DHRS12: variants seen among roughly 807,000 people sequenced by gnomAD.
DHRS12 encodes dehydrogenase/reductase SDR family member 12.
A neutral mutation model predicts 32.1 loss-of-function variants in DHRS12; 29 were observed. That is an observed-to-expected ratio of 0.90 (90% CI 0.67 to 1.23). DHRS12 has a LOEUF of 1.23. Among genes scored for constraint, DHRS12 ranks in the 50% most tolerant of loss-of-function variants. The probability of loss-of-function intolerance (pLI) is 0.00; values close to 1 mark genes in which losing one functional copy is unlikely to be tolerated. For missense variants in DHRS12, 330 were observed against 337.2 expected (o/e 0.98, Z 0.17); for synonymous variants, 150 against 135.9 (o/e 1.10, Z -0.72).
chr13:51,781,678 C>A (rs1336276380), intron 4 of DHRS12, among the ~76,000 whole-genome samples: 1 of 152,132 alleles, frequency 6.6e-6, no homozygotes, highest in Admixed American at 6.5e-5. Context: ...TGGAGCACAG[C>A]CTGTGCAAAG....
At chr13:51,795,889 C>A (rs1168330353) in intron 2 of DHRS12, among the ~76,000 whole-genome samples, 1 of 152,160 alleles carries the variant, frequency 6.6e-6, no homozygotes, top group Non-Finnish European at 1.5e-5. Context: ...AACCCACCCC[C>A]ACTATGATAC....
chr13:51,759,001 G>C, the DHRS12 span, among the ~76,000 whole-genome samples: 3 of 152,116 alleles, frequency 2.0e-5, no homozygotes, highest in Admixed American at 6.5e-5. Flanking sequence ...GGCCACCATA[G>C]TGTGACCCTG....
intron 4 of DHRS12, among the ~76,000 whole-genome samples, chr13:51,788,599 C>T (rs543159650): frequency 6.6e-6 from 1 of 152,128 alleles, no homozygotes; most frequent in African/African-American, 2.4e-5. Context: ...AATCCCAATA[C>T]TTTGGGAGGC....
chr13:51,777,650 G>T (rs1448043831), intron 4 of DHRS12, among the ~76,000 whole-genome samples: 1 of 152,204 alleles, frequency 6.6e-6, no homozygotes, highest in Non-Finnish European at 1.5e-5. Flanking sequence ...GAAAAACACT[G>T]AAGTGTATGT....
chr13:51,799,516 G>A lies in DHRS12; in HGVS notation c.126+18C>T, dbSNP rs779473745. On this transcript the variant is annotated intron_variant, in intron 2 of 8. Transcript: ENST00000444610. ...TGGCCGTGGGGCTCAGTGGACACAC[G>A]TGTTAGCAGCTGCTTACCTCGCTTG... 6.2e-6 allele frequency: 10 copies of A among 1,612,334 alleles called. No individual in the cohort carries two copies. Among genetic ancestry groups the A allele is most frequent in the African/African-American group, 1.3e-5 (1 of 74,868 alleles).
At chr13:51,779,975 A>G (rs1455664749) in intron 4 of DHRS12, among the ~76,000 whole-genome samples, 1 of 151,960 alleles carries the variant, frequency 6.6e-6, no homozygotes, top group African/African-American at 2.4e-5. Context: ...TCAGGAGTTC[A>G]AGACCAGCCT....
chr13:51,773,075 T>TTA, intron 6 of DHRS12: 5 of 985,072 alleles, frequency 5.1e-6, no homozygotes, highest in Non-Finnish European at 6.0e-6. Flanking sequence ...AATATGGAAG[T>TTA]TATATATATC....
intron 2 of DHRS12, among the ~76,000 whole-genome samples, chr13:51,792,891 C>T (rs959421740): frequency 3.3e-5 from 5 of 150,552 alleles, no homozygotes; most frequent in East Asian, 1.9e-4. Context: ...CATAATTTAC[C>T]TTTGCATGGA....
At position 51,804,157 on chromosome 13, in the gene DHRS12, C is replaced by A; in HGVS notation, c.-112G>T. The stretch of plus-strand genomic sequence containing the variant: ...CCCCACCGCGCTCCCGGCGCGGCCT[C>A]CGCCCTGGTCCCGCCCCCCGGGAGT... On this transcript the variant is annotated 5_prime_UTR_variant, in exon 1 of 9. Transcript: ENST00000444610. The A allele has an allele frequency of 6.3e-6, 9 of 1,422,750 alleles. No individual in the cohort carries two copies. The highest frequency in any genetic ancestry group is 8.3e-6 in the Non-Finnish European group (9 of 1,090,570). 88.1% of individuals were successfully genotyped at this position (1,422,750 alleles called of 1,614,324 possible).
At chr13:51,803,803 T>G in intron 1 of DHRS12, 1 of 329,552 alleles carries the variant, frequency 3.0e-6, no homozygotes, top group Non-Finnish European at 5.4e-6. Flanking sequence ...GGCCCTGGGC[T>G]TGGGCGCGCC....
the DHRS12 span, among the ~76,000 whole-genome samples, chr13:51,759,016 A>T: frequency 6.6e-6 from 1 of 152,096 alleles, no homozygotes; most frequent in South Asian, 2.1e-4. Context: ...ACCCTGTCTT[A>T]ACAAAAAAAT....
At chr13:51,799,162 G>GT (rs1340732284) in intron 2 of DHRS12, among the ~76,000 whole-genome samples, 1 of 152,322 alleles carries the variant, frequency 6.6e-6, no homozygotes, top group East Asian at 1.9e-4. Context: ...CCCCAGGAGA[G>GT]TCTCATTGAG....
intron 5 of DHRS12, chr13:51,775,907 AT>A (rs1195566176): frequency 1.4e-5 from 2 of 144,988 alleles, no homozygotes; most frequent in African/African-American, 5.3e-5. Context: ...ATTCTCCTAC[AT>A]GTATTCTACA....
intron 1 of DHRS12, 59 bp downstream of exon 1, chr13:51,803,995 C>A: frequency 7.1e-7 from 1 of 1,398,946 alleles, no homozygotes; most frequent in Non-Finnish European, 9.3e-7. Context: ...CCCTGCTCGC[C>A]CGCGCCGAGG....
At chr13:51,779,773 G>T (rs1485802443) in intron 4 of DHRS12, among the ~76,000 whole-genome samples, 1 of 152,040 alleles carries the variant, frequency 6.6e-6, no homozygotes. Flanking sequence ...TTTTTCTTTA[G>T]TCTTCCTGTG....
downstream of DHRS12, chr13:51,765,554 G>A (rs1218364323): frequency 6.6e-6 from 1 of 152,204 alleles, no homozygotes. Context: ...CCAATCCTGT[G>A]ATTCTCTGAT....
At chr13:51,781,160 T>C (rs1053937605) in intron 4 of DHRS12, among the ~76,000 whole-genome samples, 3 of 152,130 alleles carry the variant, frequency 2.0e-5, no homozygotes, top group African/African-American at 7.2e-5. Context: ...ATCTCACACA[T>C]TATATAAAGA....
chr13:51,789,489 T>G, intron 4 of DHRS12: 1 of 956,482 alleles, frequency 1.0e-6, no homozygotes, highest in Non-Finnish European at 1.2e-6. Flanking sequence ...TGCATGTCTA[T>G]CAAGTTCCCA....
rs774539079 is a variant in DHRS12 at position 51,792,271 on chromosome 13, GTTT to G, written c.127-1017_127-1015del. On this transcript the variant is annotated intron_variant, in intron 2 of 8. Coordinates refer to ENST00000444610, the MANE Select transcript of DHRS12 (RefSeq NM_001377533.1). ...ACCTAACAAACATTTTTTGTTTTTTGTTTTTTTAGCAATAGCATCCTGAGAGGT... is the reference window on the plus strand; with the variant it reads ...ACCTAACAAACATTTTTTGTTTTTTGTTTTAGCAATAGCATCCTGAGAGGT... Among the ~76,000 whole-genome samples, 35 of 152,060 alleles carry G rather than the reference GTTT, an allele frequency of 2.3e-4. No individual in the cohort carries two copies. In the East Asian group the frequency reaches 4.6e-3, roughly 20 times the overall value.
Sources: allele counts gnomAD v4.1 joint callset (sites outside exome capture counted in the v4.1 genomes callset), GRCh38; gene constraint gnomAD v4.1.1; transcripts MANE v1.5; gene names NCBI Gene and HGNC (gene_info 2026-07-23, HGNC 2026-07-21).